PDE1A: variants seen among roughly 807,000 people sequenced by gnomAD.
The protein encoded by PDE1A is phosphodiesterase 1A.
In PDE1A, 35 loss-of-function variants were observed where a neutral mutation model predicts 61.7. The observed-to-expected ratio is 0.57, with a 90% CI of 0.43 to 0.75. The LOEUF (loss-of-function observed/expected upper bound fraction) is 0.75, where lower values mean the gene tolerates loss of function less well. Among genes scored for constraint, PDE1A ranks in the 30% least tolerant of loss-of-function variants. The probability of loss-of-function intolerance (pLI) is 0.00; values close to 1 mark genes in which losing one functional copy is unlikely to be tolerated. For synonymous variants in PDE1A, 232 were observed against 213.2 expected, an observed-to-expected ratio of 1.09 and a Z score of -0.77; for missense variants, 597 against 630.6, an observed-to-expected ratio of 0.95 and a Z score of 0.57.
chr2:182,284,076 C>G (rs1314575149), intron 1 of PDE1A, among the ~76,000 whole-genome samples: 1 of 151,982 alleles, frequency 6.6e-6, no homozygotes, highest in Non-Finnish European at 1.5e-5. Flanking sequence ...GCAGCCCTTA[C>G]CTGGCCTATT....
intron 13 of PDE1A, among the ~76,000 whole-genome samples, chr2:182,179,466 G>A (rs1293729354): frequency 6.6e-6 from 1 of 152,080 alleles, no homozygotes; most frequent in Non-Finnish European, 1.5e-5. Context: ...ATTATACAAA[G>A]AGGGATAACA....
chr2:182,656,435 A>C, the PDE1A span, among the ~76,000 whole-genome samples: 1 of 152,350 alleles, frequency 6.6e-6, no homozygotes, highest in South Asian at 2.1e-4. Flanking sequence ...TGAAACTATA[A>C]AAATGGAAAG....
At chr2:182,642,054 G>T in the PDE1A span, among the ~76,000 whole-genome samples, 129 of 152,174 alleles carry the variant, frequency 8.5e-4, 11 homozygotes, top group Non-Finnish European at 1.0e-4. Context: ...TCACGGAAAG[G>T]TTTCATAGGA....
At chr2:182,540,384 A>C in the PDE1A span, among the ~76,000 whole-genome samples, 7 of 77,462 alleles carry the variant, frequency 9.0e-5, no homozygotes, top group African/African-American at 1.9e-4. Context: ...AAAAAAAAAA[A>C]AGCAGCAGCA....
intron 1 of PDE1A, among the ~76,000 whole-genome samples, chr2:182,395,134 T>C (rs34681555): frequency 0.076 from 11,621 of 152,304 alleles, 543 homozygotes; most frequent in Non-Finnish European, 0.11. Flanking sequence ...TATGCAGCCA[T>C]TGATCTGGCA....
chr2:182,623,518 T>C, the PDE1A span, among the ~76,000 whole-genome samples: 1 of 152,130 alleles, frequency 6.6e-6, no homozygotes, highest in Non-Finnish European at 1.5e-5. Context: ...GAGAGTGTCC[T>C]CATAGGAGAT....
chr2:182,200,782 C>T (rs971988199), intron 10 of PDE1A, among the ~76,000 whole-genome samples: 3 of 152,132 alleles, frequency 2.0e-5, no homozygotes, highest in African/African-American at 7.2e-5. Context: ...GAAGTAGAGC[C>T]AATCTTGTGG....
chr2:182,451,576 A>G (rs1456567907), intron 2 of PDE1A, among the ~76,000 whole-genome samples: 1 of 152,036 alleles, frequency 6.6e-6, no homozygotes. Context: ...TAATTTTTTT[A>G]TAAAAATTAA....
intron 1 of PDE1A, among the ~76,000 whole-genome samples, chr2:182,319,515 G>A (rs1696567742): frequency 6.6e-6 from 1 of 152,108 alleles, no homozygotes. Context: ...CTAAATGGAA[G>A]TTACTTTGCT....
intron 2 of PDE1A, among the ~76,000 whole-genome samples, chr2:182,437,214 T>C (rs1398085986): frequency 3.3e-5 from 5 of 151,810 alleles, no homozygotes; most frequent in Non-Finnish European, 5.9e-5. Flanking sequence ...GAGAAACTCT[T>C]GGGGAAAAAA....
the PDE1A span, among the ~76,000 whole-genome samples, chr2:182,631,899 A>C: frequency 6.6e-6 from 1 of 152,224 alleles, no homozygotes; most frequent in African/African-American, 2.4e-5. Flanking sequence ...AATAATTACC[A>C]TTTGTTTTAG....
chr2:182,399,441 A>C (rs955188040), intron 1 of PDE1A, among the ~76,000 whole-genome samples: 72 of 152,012 alleles, frequency 4.7e-4, no homozygotes, highest in African/African-American at 1.7e-3. Flanking sequence ...AATTTAATAC[A>C]TTCTACATCA....
chr2:182,707,919 G>C, the PDE1A span, among the ~76,000 whole-genome samples: 2 of 152,114 alleles, frequency 1.3e-5, no homozygotes, highest in African/African-American at 4.8e-5. Flanking sequence ...AGCTAGGTAG[G>C]ATGACTAACT....
chr2:182,611,209 C>T, the PDE1A span, among the ~76,000 whole-genome samples: 326 of 152,260 alleles, frequency 2.1e-3, 2 homozygotes, highest in African/African-American at 7.4e-3. Flanking sequence ...CCATGCACTG[C>T]CATTTGGAGG....
At chr2:182,385,375 A>G (rs1170974358) in intron 1 of PDE1A, among the ~76,000 whole-genome samples, 1 of 152,170 alleles carries the variant, frequency 6.6e-6, no homozygotes, top group Non-Finnish European at 1.5e-5. Context: ...AGAAATATGA[A>G]ATATAAAAAG....
chr2:182,384,354 A>G (rs566157000), intron 1 of PDE1A, among the ~76,000 whole-genome samples: 1 of 152,214 alleles, frequency 6.6e-6, no homozygotes, highest in South Asian at 2.1e-4. Context: ...AAAAATTCAA[A>G]ATAACCATTT....
intron 1 of PDE1A, among the ~76,000 whole-genome samples, chr2:182,324,334 T>C (rs1300242977): frequency 6.6e-6 from 1 of 151,890 alleles, no homozygotes; most frequent in African/African-American, 2.4e-5. Flanking sequence ...TTTTGGGAAC[T>C]TGCATACAAG....
chr2:182,432,708 T>C (rs1404318362), intron 2 of PDE1A, among the ~76,000 whole-genome samples: 1 of 152,070 alleles, frequency 6.6e-6, no homozygotes, highest in East Asian at 1.9e-4. Flanking sequence ...CTCCAGCCCA[T>C]TGTTTTTCTT....
intron 2 of PDE1A, among the ~76,000 whole-genome samples, chr2:182,480,222 A>C (rs1354206194): frequency 6.6e-6 from 1 of 151,940 alleles, no homozygotes; most frequent in South Asian, 2.1e-4. Context: ...AATTACAAAA[A>C]TATGCTACTA....
Sources: gnomAD v4.1 joint callset for allele counts (sites outside exome capture counted in the v4.1 genomes callset) on GRCh38, gnomAD v4.1.1 for gene constraint, MANE v1.5 for transcripts, NCBI Gene and HGNC (gene_info 2026-07-23, HGNC 2026-07-21) for gene names.